MAU2: variants seen among roughly 807,000 people sequenced by gnomAD.
MAU2 encodes the protein MAU2 sister chromatid cohesion factor, also known as MAU2 chromatid cohesion factor homolog.
MAU2 carries 9 observed loss-of-function variants against 89.1 expected under a neutral mutation model. The ratio of observed to expected loss-of-function variants is 0.10; its 90% CI spans 0.06 to 0.18. MAU2 has a LOEUF of 0.18. Among genes scored for constraint, MAU2 ranks in the 10% least tolerant of loss-of-function variants. The pLI is 1.00. For missense variants in MAU2, 425 were observed against 803.5 expected, an observed-to-expected ratio of 0.53 and a Z score of 5.69; for synonymous variants, 357 against 343.4, an observed-to-expected ratio of 1.04 and a Z score of -0.44.
intron 12 of MAU2, among the ~76,000 whole-genome samples, chr19:19,346,215 C>T (rs1435248518): frequency 1.3e-5 from 2 of 152,248 alleles, no homozygotes; most frequent in African/African-American, 4.8e-5. Context: ...GCTGACTCAG[C>T]ACCCACTCCT....
intron 1 of MAU2, among the ~76,000 whole-genome samples, chr19:19,332,968 T>C (rs1431841876): frequency 6.6e-6 from 1 of 151,860 alleles, no homozygotes. Context: ...TCCCAGCTAC[T>C]TGGGAGGCTG....
At chr19:19,355,125 C>T (rs1240469667) in intron 17 of MAU2, 139 bp from the exon 18 acceptor site, 5 of 1,100,676 alleles carry the variant, frequency 4.5e-6, no homozygotes, top group South Asian at 4.5e-5. Flanking sequence ...AGACAGGGCT[C>T]AGGTCCAGTG....
chr19:19,343,269 A>G (rs1267870271), intron 9 of MAU2, among the ~76,000 whole-genome samples: 1 of 152,094 alleles, frequency 6.6e-6, no homozygotes, highest in African/African-American at 2.4e-5. Context: ...CCATCCAGGG[A>G]CCTTTGACTA....
At chr19:19,354,725 C>T in intron 17 of MAU2, 3 of 487,180 alleles carry the variant, frequency 6.2e-6, no homozygotes, top group South Asian at 4.8e-5. Context: ...GTGGCGCTCT[C>T]AGCCTTGCTT....
At chr19:19,321,325 C>T (rs906603880) in intron 1 of MAU2, among the ~76,000 whole-genome samples, 190 bp downstream of exon 1, 1 of 152,166 alleles carries the variant, frequency 6.6e-6, no homozygotes, top group Non-Finnish European at 1.5e-5. Context: ...GACACGAAAG[C>T]CTCGCCCCCC....
rs776591469 is a variant in MAU2, at chr19:19,342,929, C to T, written c.973+63C>T. The T allele has an allele frequency of 2.7e-5, 42 of 1,575,810 alleles. 1 individual carries two copies. The highest frequency in any genetic ancestry group is 2.7e-4 in the South Asian group (24 of 90,072). ...ACCCCTGGCGGACGGCCTGGCCAGA[C>T]GCTAGCTGTACCAGGGCCCAGTGAC... On this transcript the variant is annotated intron_variant, in intron 9 of 18. Transcript: ENST00000262815.
intron 15 of MAU2, 30 bp from the exon 16 acceptor site, chr19:19,349,295 A>C: frequency 3.1e-6 from 5 of 1,613,938 alleles, no homozygotes; most frequent in Non-Finnish European, 4.2e-6. Flanking sequence ...CCCGTCCTGC[A>C]GTTATCAGCG....
In MAU2 at chr19:19,345,241, G is replaced by A. The variant is rs528997086; in HGVS notation, c.1156-63G>A. Reference sequence around the variant, plus strand: ...GCCGTGCAGGCCCCGGGCACACCACGTGTCTCTGATCTGAGCCCCCTCCCC... The same window carrying A: ...GCCGTGCAGGCCCCGGGCACACCACATGTCTCTGATCTGAGCCCCCTCCCC... On this transcript the variant is annotated intron_variant, in intron 11 of 18. Coordinates refer to ENST00000262815, the MANE Select transcript of MAU2 (RefSeq NM_015329.4). This position sits in a 1 kb window ranked among gnomAD's most constrained non-coding sequence, Gnocchi z 4.9. The A allele has an allele frequency of 1.3e-4, 182 of 1,453,236 alleles. 1 individual carries two copies. In the East Asian group the frequency reaches 2.7e-3, roughly 22 times the overall value. 90.0% of individuals were successfully genotyped at this position (1,453,236 alleles called of 1,614,324 possible).
At chr19:19,333,219 C>T (rs1188398730) in intron 1 of MAU2, among the ~76,000 whole-genome samples, 1 of 151,774 alleles carries the variant, frequency 6.6e-6, no homozygotes, top group African/African-American at 2.4e-5. Flanking sequence ...GCACGATGTC[C>T]AACGCCTGTA....
intron 16 of MAU2, among the ~76,000 whole-genome samples, chr19:19,350,623 G>A (rs1040742149): frequency 2.1e-5 from 3 of 145,192 alleles, no homozygotes; most frequent in East Asian, 2.1e-4. Flanking sequence ...AAAAAAGGCC[G>A]GGCATGGTGG....
At chr19:19,328,423 CTT>C (rs576082599) in intron 1 of MAU2, among the ~76,000 whole-genome samples, 17 of 140,346 alleles carry the variant, frequency 1.2e-4, no homozygotes, top group South Asian at 2.3e-4. Context: ...TCCCCCTTAA[CTT>C]TTTTTTTTTT....
At chr19:19,341,988 G>A (rs2061652326) in intron 7 of MAU2, among the ~76,000 whole-genome samples, 1 of 152,174 alleles carries the variant, frequency 6.6e-6, no homozygotes, top group Non-Finnish European at 1.5e-5. Flanking sequence ...ACAGGGCTTG[G>A]TAAGGGGGTT....
chr19:19,336,803 G>A (rs574554309), intron 3 of MAU2, among the ~76,000 whole-genome samples: 1 of 152,322 alleles, frequency 6.6e-6, no homozygotes, highest in Non-Finnish European at 1.5e-5. Flanking sequence ...GAATGATGAC[G>A]GGTAAGGTGG....
intron 13 of MAU2, chr19:19,348,676 CAG>C (rs2061715105): frequency 1.5e-6 from 1 of 658,298 alleles, no homozygotes; most frequent in Non-Finnish European, 2.8e-6. Context: ...TACTGCAGGA[CAG>C]GGTGGCACAG....
chr19:19,349,146 T>C lies in MAU2; in HGVS notation c.1359-9T>C, dbSNP rs376871848. 1 of 1,613,880 alleles carries C rather than the reference T, an allele frequency of 6.2e-7. No homozygotes were observed. The highest frequency in any genetic ancestry group is 8.5e-7 in the Non-Finnish European group (1 of 1,180,016). ...CACCACCCCATGTGATACTGCACTC[T>C]CCCTGCAGCTCGCACTGCCTCCGAG... On this transcript the variant is annotated splice_polypyrimidine_tract_variant and intron_variant, in intron 14 of 18. Coordinates refer to ENST00000262815, the MANE Select transcript of MAU2 (RefSeq NM_015329.4).
rs1053137469 is a variant in MAU2 at position 19,349,548 on chromosome 19, G to A, written c.1548+112G>A. 30 of 907,808 alleles carry A rather than the reference G, an allele frequency of 3.3e-5. 2 individuals are homozygous for A. The South Asian group carries it at 3.5e-4, about 11-fold the overall frequency. 56.2% of individuals were successfully genotyped at this position (907,808 alleles called of 1,614,324 possible). On this transcript the variant is annotated intron_variant, in intron 16 of 18. Coordinates refer to ENST00000262815, the MANE Select transcript of MAU2 (RefSeq NM_015329.4). ...TGGCACTGTTCATCCTATGCCCCTC[G>A]AAGAGCACGTCTAGGTGGATGCCCT... is the stretch of plus-strand genomic sequence containing the variant.
Position 19,347,285 on chromosome 19 carries a change from C to T in MAU2, c.1227C>T (p.Thr409=). 2 of 1,613,564 alleles carry T rather than the reference C, an allele frequency of 1.2e-6. No individual in the cohort carries two copies. The highest frequency in any genetic ancestry group is 1.7e-6 in the Non-Finnish European group (2 of 1,179,624). Residue 409 remains threonine (T), a synonymous_variant, in exon 13 of 19, where the codon ACC becomes ACT. Coordinates refer to ENST00000262815, the MANE Select transcript of MAU2 (RefSeq NM_015329.4). The part of the protein sequence containing the change: ...EAQFTTALRL[T]NHQELWAFIV... ...GTCCCCGCCTCCCATTCCAGCTCAC[C>T]AACCACCAGGAGCTGTGGGCCTTCA...
chr19:19,345,090 C>T lies in MAU2; in HGVS notation c.1155+164C>T, dbSNP rs561955096. The stretch of plus-strand genomic sequence containing the variant: ...TCATATAACCTTCCCAGGCACGATC[C>T]GGAATGCTCCCAGTGAGCATCTTGT... On this transcript the variant is annotated intron_variant, in intron 11 of 18. Transcript: ENST00000262815. The surrounding 1 kb of genome is among the most constrained non-coding windows in gnomAD (Gnocchi z 4.9). 18 of 750,200 alleles carry T rather than the reference C, an allele frequency of 2.4e-5. No individual in the cohort carries two copies. Among genetic ancestry groups the T allele is most frequent in the South Asian group, 1.7e-4 (10 of 60,162 alleles). 46.5% of individuals were successfully genotyped at this position (750,200 alleles called of 1,614,324 possible). A position where few individuals can be genotyped will look rare whatever the true frequency, so the allele number is the denominator to read the frequency against.
intron 1 of MAU2, among the ~76,000 whole-genome samples, chr19:19,330,136 T>A (rs2061544159): frequency 6.6e-6 from 1 of 151,764 alleles, no homozygotes; most frequent in Non-Finnish European, 1.5e-5. Context: ...CACACCACCA[T>A]GCCCAGCTAA....
Sources: gnomAD v4.1 joint callset for allele counts (sites outside exome capture counted in the v4.1 genomes callset) on GRCh38, gnomAD v4.1.1 for gene constraint, Gnocchi (gnomAD v3.1) non-coding constraint, MANE v1.5 for transcripts, NCBI Gene and HGNC (gene_info 2026-07-23, HGNC 2026-07-21) for gene names.